Variants in IL3RA observed in about 807,000 individuals in gnomAD.
IL3RA encodes the protein interleukin-3 receptor subunit alpha.
A neutral mutation model predicts 52.3 loss-of-function variants in IL3RA; 73 were observed. That is an observed-to-expected ratio of 1.40 (90% confidence interval 1.16 to 1.70). The LOEUF (loss-of-function observed/expected upper bound fraction) is 1.70. Ranked by LOEUF, IL3RA falls within the 40% of genes most tolerant of loss-of-function variation. The probability of loss-of-function intolerance (pLI) is 0.00; values close to 1 mark genes in which losing one functional copy is unlikely to be tolerated. For missense variants in IL3RA, 664 were observed against 504.4 expected (o/e 1.32, Z -3.03); for synonymous variants, 260 against 194.0 (o/e 1.34, Z -2.83).
Position 1,362,769 on chromosome X carries a change from T to TTTTATTTA in IL3RA, c.760-2353_760-2346dup, listed in dbSNP as rs757287987. On this transcript the variant is annotated intron_variant, in intron 8 of 11. Coordinates refer to ENST00000331035, the MANE Select transcript of IL3RA (RefSeq NM_002183.4). ...CTTCTCCTCTGCATCCGTGTCTCCTTTTTATTTATTTATTTATTTATTTTG... is the reference window on the plus strand; with the variant it reads ...CTTCTCCTCTGCATCCGTGTCTCCTTTTTATTTATTTATTTATTTATTTATTTATTTTG... Among the ~76,000 whole-genome samples, 1,131 of 149,270 alleles carry TTTTATTTA rather than the reference T, an allele frequency of 7.6e-3. 18 individuals carry two copies. The highest frequency in any genetic ancestry group is 0.026 in the African/African-American group (1,032 of 40,418).
At chrX:1,364,241 C>T (rs1454596775) in intron 8 of IL3RA, among the ~76,000 whole-genome samples, 1 of 151,698 alleles carries the variant, frequency 6.6e-6, no homozygotes, top group Non-Finnish European at 1.5e-5. Context: ...CTGGTAATCC[C>T]AGCACTTTGG....
rs2085868477 is a variant in IL3RA, at chrX:1,348,330, G to A, written c.184-101G>A. Reference sequence around the variant, plus strand: ...ATCACGCCACTGCACTCCAGCGTGGGCGACGAGAGCGAAACTCTGCCTCAA... The same window carrying A: ...ATCACGCCACTGCACTCCAGCGTGGACGACGAGAGCGAAACTCTGCCTCAA... On this transcript the variant is annotated intron_variant, in intron 3 of 11. Coordinates refer to ENST00000331035, the MANE Select transcript of IL3RA (RefSeq NM_002183.4). 9 of 902,914 alleles carry A rather than the reference G, an allele frequency of 1.0e-5. No individual in the cohort carries two copies. The South Asian group carries it at 1.2e-4, about 12-fold the overall frequency. The allele number at this position is 902,914 out of a possible 1,614,324, so 55.9% of individuals were successfully genotyped here.
intron 9 of IL3RA, among the ~76,000 whole-genome samples, chrX:1,376,612 A>G (rs1323238742): frequency 1.4e-5 from 2 of 148,136 alleles, no homozygotes; most frequent in Non-Finnish European, 3.0e-5. Flanking sequence ...ACACAGACAC[A>G]CACGGAGGAA....
intron 7 of IL3RA, among the ~76,000 whole-genome samples, chrX:1,356,823 T>G (rs1275059623): frequency 2.0e-5 from 3 of 152,184 alleles, no homozygotes; most frequent in Admixed American, 1.3e-4. Flanking sequence ...TTTTTATTTT[T>G]ATTATTTCTA....
At chrX:1,342,725 T>A (rs1419811224) in intron 2 of IL3RA, among the ~76,000 whole-genome samples, 2 of 151,028 alleles carry the variant, frequency 1.3e-5, no homozygotes, top group Non-Finnish European at 3.0e-5. Flanking sequence ...CACGCCCAGC[T>A]AATTTTTCTG....
chrX:1,364,054 A>G lies in IL3RA; in HGVS notation c.760-1084A>G, dbSNP rs1236549965. 3.3e-5 allele frequency among the ~76,000 whole-genome samples: 5 copies of G among 151,484 alleles called. No individual in the cohort carries two copies. In the East Asian group the frequency reaches 7.8e-4, roughly 24 times the overall value. ...ATACAAAAAATTAGCTGGGCATGGT[A>G]GCGGGTGCCTGTAGTCCCAGCTACT... On this transcript the variant is annotated intron_variant, in intron 8 of 11. Coordinates refer to ENST00000331035, the MANE Select transcript of IL3RA (RefSeq NM_002183.4).
In IL3RA at chrX:1,352,305, C is replaced by G; in HGVS notation, c.432-17C>G. ...CATCGGCGTGGGGTCGTCCCCCAAC[C>G]TTACCGCTTACCGCAGCAGGCGTCA... On this transcript the variant is annotated splice_polypyrimidine_tract_variant and intron_variant, in intron 5 of 11. Transcript: ENST00000331035. 6.2e-7 allele frequency: 1 copy of G among 1,613,644 alleles called. No homozygotes were observed. The highest frequency in any genetic ancestry group is 8.5e-7 in the Non-Finnish European group (1 of 1,179,686).
In IL3RA at chrX:1,338,707, A is replaced by G. The variant is rs776677295; in HGVS notation, c.-39+1781A>G. On this transcript the variant is annotated intron_variant, in intron 1 of 11. Coordinates refer to ENST00000331035, the MANE Select transcript of IL3RA (RefSeq NM_002183.4). Reference sequence around the variant, plus strand: ...GCAAATCCACAGAGACAGAAAGTGGATGAGTGGTTGCCACAGGCTGGGGAA... The same window carrying G: ...GCAAATCCACAGAGACAGAAAGTGGGTGAGTGGTTGCCACAGGCTGGGGAA... 3.9e-5 allele frequency among the ~76,000 whole-genome samples: 6 copies of G among 152,274 alleles called. No homozygotes were observed. In the East Asian group the frequency reaches 1.2e-3, roughly 29 times the overall value.
intron 1 of IL3RA, among the ~76,000 whole-genome samples, chrX:1,337,347 A>C (rs1235966667): frequency 1.3e-5 from 2 of 152,182 alleles, no homozygotes; most frequent in Non-Finnish European, 2.9e-5. Context: ...GCTGACTGCC[A>C]GCCGGGGAGC....
chrX:1,377,566 C>G (rs1490360590), intron 9 of IL3RA, among the ~76,000 whole-genome samples: 1 of 149,394 alleles, frequency 6.7e-6, no homozygotes, highest in East Asian at 1.9e-4. Flanking sequence ...CTGAAGCCAC[C>G]AAGCTGTGGG....
At chrX:1,347,848 C>CTA (rs1382052302) in intron 3 of IL3RA, among the ~76,000 whole-genome samples, 1 of 149,604 alleles carries the variant, frequency 6.7e-6, no homozygotes, top group Non-Finnish European at 1.5e-5. Flanking sequence ...ACCCTCCTGG[C>CTA]TAACACGGTG....
intron 3 of IL3RA, among the ~76,000 whole-genome samples, chrX:1,345,993 A>C (rs1367430493): frequency 6.6e-6 from 1 of 151,962 alleles, no homozygotes; most frequent in African/African-American, 2.4e-5. Context: ...TGTGAAAGTG[A>C]AATGAGGCTA....
At chrX:1,360,931 C>G (rs2087241797) in intron 8 of IL3RA, among the ~76,000 whole-genome samples, 1 of 117,572 alleles carries the variant, frequency 8.5e-6, no homozygotes, top group African/African-American at 3.8e-5. Context: ...CCCTCTCTGT[C>G]TCTCTCTCCC....
intron 4 of IL3RA, among the ~76,000 whole-genome samples, chrX:1,349,512 A>G (rs1399172128): frequency 1.5e-4 from 23 of 151,682 alleles, no homozygotes; most frequent in African/African-American, 5.1e-4. Flanking sequence ...GGGTGTCGCT[A>G]TGTTACCTGA....
In IL3RA at chrX:1,348,509, C is replaced by G. The variant is rs755723829; in HGVS notation, c.262C>G (p.Pro88Ala). 1.9e-6 allele frequency: 3 copies of G among 1,613,638 alleles called. No homozygotes were observed. The highest frequency in any genetic ancestry group is 1.6e-4 in the Middle Eastern group (1 of 6,078). Residue 88 changes from proline to alanine, a missense_variant, in exon 4 of 12, where the codon CCA becomes GCA. Physicochemically the swap from Pro to Ala is conservative, Grantham distance 27 (BLOSUM62 -1). Coordinates refer to ENST00000331035, the MANE Select transcript of IL3RA (RefSeq NM_002183.4). ...CAACTACACCGTCCGAGTGGCCAACCCACCATTCTCCACGTGGATCCTCTT... is the reference window on the plus strand; with the variant it reads ...CAACTACACCGTCCGAGTGGCCAACGCACCATTCTCCACGTGGATCCTCTT... ...VTNYTVRVAN[P>A]PFSTWILFPE...
chrX:1,352,497 T>A lies in IL3RA; in HGVS notation c.607T>A (p.Ser203Thr). ...CTGCACAGATAAGTTTGTCGTCTTT[T>A]CACAGATTGGTGAGTAGCCCGGGAC... ...IPCTDKFVVF[S>T]QIEILTPPNM... Residue 203 changes from serine (S) to threonine (T), a missense_variant, in exon 6 of 12, where the codon TCA becomes ACA. Transcript: ENST00000331035. 1 of 1,613,400 alleles carries A rather than the reference T, an allele frequency of 6.2e-7. No homozygotes were observed. The highest frequency in any genetic ancestry group is 1.3e-5 in the African/African-American group (1 of 75,044).
rs1292084280 is a variant in IL3RA at position 1,345,732 on chromosome X, T to C, written c.183+298T>C. ...GTCTCGATCTCCTGACCTCGTGATC[T>C]GCCCGCCTCGGCCTCCCAAAGTGCT... On this transcript the variant is annotated intron_variant, in intron 3 of 11. Coordinates refer to ENST00000331035, the MANE Select transcript of IL3RA (RefSeq NM_002183.4). 1.3e-4 allele frequency among the ~76,000 whole-genome samples: 19 copies of C among 151,896 alleles called. No individual in the cohort carries two copies. In the South Asian group the frequency reaches 2.3e-3, roughly 18 times the overall value.
At chrX:1,359,808 TTCTCTC>T (rs373695054) in intron 8 of IL3RA, among the ~76,000 whole-genome samples, 20 of 130,626 alleles carry the variant, frequency 1.5e-4, no homozygotes, top group East Asian at 7.8e-4. Context: ...CTCCCTCTCT[TTCTCTC>T]TCTCTCTCTC....
At chrX:1,370,220 T>A (rs1569527553) in intron 9 of IL3RA, among the ~76,000 whole-genome samples, 1 of 52,678 alleles carries the variant, frequency 1.9e-5, no homozygotes, top group Non-Finnish European at 3.0e-5. Context: ...GGAGAATCAG[T>A]GTTTTGTTTC....
Sources: gnomAD v4.1 joint callset for allele counts (sites outside exome capture counted in the v4.1 genomes callset) on GRCh38, gnomAD v4.1.1 for gene constraint, MANE v1.5 for transcripts, NCBI Gene and HGNC (gene_info 2026-07-23, HGNC 2026-07-21) for gene names.